CNTNAP5: variants seen among roughly 807,000 people sequenced by gnomAD.
The protein encoded by CNTNAP5 is contactin-associated protein-like 5.
In CNTNAP5, 72 loss-of-function variants were observed where a neutral mutation model predicts 150.2. The observed-to-expected ratio is 0.48, with a 90% CI of 0.40 to 0.58. CNTNAP5 has a LOEUF of 0.58. Among genes scored for constraint, CNTNAP5 ranks in the 20% least tolerant of loss-of-function variants. The pLI, the probability that CNTNAP5 is intolerant of heterozygous loss-of-function variation, is 0.00. For missense variants in CNTNAP5, 1,636 were observed against 1,626.2 expected (o/e 1.01, Z -0.10); for synonymous variants, 672 against 619.8 (o/e 1.08, Z -1.25).
intron 14 of CNTNAP5, among the ~76,000 whole-genome samples, chr2:124,753,574 T>C (rs546961107): frequency 6.6e-6 from 1 of 152,370 alleles, no homozygotes; most frequent in South Asian, 2.1e-4. Flanking sequence ...GTTATTTCTC[T>C]TTCTATGCCC....
intron 1 of CNTNAP5, among the ~76,000 whole-genome samples, chr2:124,073,548 A>G (rs957127864): frequency 1.3e-5 from 2 of 152,124 alleles, no homozygotes; most frequent in African/African-American, 2.4e-5. Flanking sequence ...GACTTTTCTC[A>G]GATAAGACAT....
At chr2:124,065,800 A>G (rs1178066119) in intron 1 of CNTNAP5, among the ~76,000 whole-genome samples, 1 of 152,164 alleles carries the variant, frequency 6.6e-6, no homozygotes, top group Admixed American at 6.6e-5. Context: ...GCTACAATCC[A>G]CAAACTGGAT....
At chr2:124,643,890 G>A (rs1678147624) in intron 12 of CNTNAP5, among the ~76,000 whole-genome samples, 1 of 152,186 alleles carries the variant, frequency 6.6e-6, no homozygotes, top group Non-Finnish European at 1.5e-5. Flanking sequence ...TCTTATTGGT[G>A]CCATTGCTGC....
At chr2:124,834,267 T>C (rs1251012055) in intron 19 of CNTNAP5, among the ~76,000 whole-genome samples, 1 of 152,180 alleles carries the variant, frequency 6.6e-6, no homozygotes, top group Non-Finnish European at 1.5e-5. Context: ...CTAAAGCTGA[T>C]GTCTAGTATC....
intron 16 of CNTNAP5, among the ~76,000 whole-genome samples, chr2:124,772,270 T>G (rs1573606907): frequency 1.3e-5 from 2 of 152,112 alleles, no homozygotes; most frequent in Non-Finnish European, 2.9e-5. Context: ...GAGGCTTGGG[T>G]TTGATTGCAG....
chr2:124,115,792 T>TTGTGTG (rs5834038), intron 1 of CNTNAP5, among the ~76,000 whole-genome samples: 32,513 of 138,078 alleles, frequency 0.24, 4,327 homozygotes, highest in Non-Finnish European at 0.31. Context: ...GCCTGGCTAA[T>TTGTGTG]TGTGTGTGTG....
chr2:124,640,741 T>C (rs529569535), intron 12 of CNTNAP5, among the ~76,000 whole-genome samples: 2 of 152,220 alleles, frequency 1.3e-5, no homozygotes, highest in South Asian at 4.1e-4. Flanking sequence ...AATAATGAAA[T>C]AATCTCTTCA....
intron 3 of CNTNAP5, among the ~76,000 whole-genome samples, chr2:124,324,798 A>G (rs1354157414): frequency 6.6e-6 from 1 of 152,192 alleles, no homozygotes; most frequent in Non-Finnish European, 1.5e-5. Context: ...AGAGGAAGTT[A>G]GCTTTTCGAC....
chr2:124,884,679 T>A (rs908120641), intron 21 of CNTNAP5, among the ~76,000 whole-genome samples: 3 of 152,000 alleles, frequency 2.0e-5, no homozygotes, highest in African/African-American at 7.2e-5. Flanking sequence ...AGAAAGAGGT[T>A]CTGAAAGTCG....
chr2:124,610,796 TA>T (rs1291136069), intron 12 of CNTNAP5, among the ~76,000 whole-genome samples: 1 of 151,960 alleles, frequency 6.6e-6, no homozygotes, highest in Non-Finnish European at 1.5e-5. Flanking sequence ...CTGTCTCTAC[TA>T]AAAATACAAA....
At chr2:124,480,943 G>A (rs1000850433) in intron 7 of CNTNAP5, among the ~76,000 whole-genome samples, 5 of 152,112 alleles carry the variant, frequency 3.3e-5, no homozygotes, top group African/African-American at 1.2e-4. Flanking sequence ...GAAGAATAAT[G>A]TGCCTTAAAG....
chr2:124,684,139 G>A (rs993933598), intron 13 of CNTNAP5, among the ~76,000 whole-genome samples: 2 of 152,188 alleles, frequency 1.3e-5, no homozygotes, highest in Non-Finnish European at 2.9e-5. Flanking sequence ...GGGAAAGGAA[G>A]TAAAAGCTAA....
At chr2:124,625,296 CTGAG>C (rs1392080858) in intron 12 of CNTNAP5, among the ~76,000 whole-genome samples, 1 of 152,112 alleles carries the variant, frequency 6.6e-6, no homozygotes, top group African/African-American at 2.4e-5. Context: ...CCAGGTTTTC[CTGAG>C]TATCATATGG....
chr2:124,693,496 G>A (rs1679340886), intron 13 of CNTNAP5, among the ~76,000 whole-genome samples: 1 of 152,090 alleles, frequency 6.6e-6, no homozygotes, highest in South Asian at 2.1e-4. Context: ...CAGACCTACT[G>A]GGATAGAGGG....
intron 11 of CNTNAP5, among the ~76,000 whole-genome samples, chr2:124,567,839 A>T (rs1278855432): frequency 1.7e-5 from 1 of 57,784 alleles, no homozygotes; most frequent in Admixed American, 1.8e-4. Flanking sequence ...CATAGATGAT[A>T]GATAGATAGA....
chr2:124,159,717 A>G lies in CNTNAP5; in HGVS notation c.83-61988A>G, dbSNP rs1021141084. Among the ~76,000 whole-genome samples the G allele has an allele frequency of 2.6e-5, 4 of 152,182 alleles. No homozygotes were observed. The South Asian group carries it at 6.2e-4, about 24-fold the overall frequency. The stretch of plus-strand genomic sequence containing the variant: ...TGACTCTTCAAGGGTATAGCTAAAA[A>G]CTAAGTAAAGATGAATAAGAACCTT... On this transcript the variant is annotated intron_variant, in intron 1 of 23. Coordinates refer to ENST00000682447, the MANE Select transcript of CNTNAP5 (RefSeq NM_001367498.1).
intron 3 of CNTNAP5, among the ~76,000 whole-genome samples, chr2:124,415,841 T>G (rs1214447380): frequency 6.6e-6 from 1 of 152,302 alleles, no homozygotes; most frequent in Non-Finnish European, 1.5e-5. Context: ...ATACATTTTT[T>G]GCTACGTATA....
chr2:124,447,256 T>C (rs1692845179), intron 6 of CNTNAP5, among the ~76,000 whole-genome samples: 1 of 151,780 alleles, frequency 6.6e-6, no homozygotes, highest in South Asian at 2.1e-4. Flanking sequence ...ATGTATCTTC[T>C]TAAAAAAAAG....
At chr2:124,479,195 C>A (rs1237238759) in intron 7 of CNTNAP5, among the ~76,000 whole-genome samples, 2 of 151,944 alleles carry the variant, frequency 1.3e-5, no homozygotes, top group Non-Finnish European at 2.9e-5. Context: ...AGCAAATGGC[C>A]CATTGAAGTG....
Sources: allele counts gnomAD v4.1 joint callset (sites outside exome capture counted in the v4.1 genomes callset), GRCh38; gene constraint gnomAD v4.1.1; transcripts MANE v1.5; gene names NCBI Gene and HGNC (gene_info 2026-07-23, HGNC 2026-07-21).